The following NCOA3 variants were observed in gnomAD, a reference collection of about 807,000 sequenced individuals.
The protein encoded by NCOA3 is CBP-interacting protein.
In NCOA3, 51 loss-of-function variants were observed where a neutral mutation model predicts 158.8. The ratio of observed to expected loss-of-function variants is 0.32; its 90% CI spans 0.26 to 0.41. The LOEUF (loss-of-function observed/expected upper bound fraction) is 0.41. Among genes scored for constraint, NCOA3 ranks in the 10% least tolerant of loss-of-function variants. NCOA3 has a pLI of 1.00. For missense variants in NCOA3, 1,510 were observed against 1,746.6 expected (o/e 0.86, Z 2.41); for synonymous variants, 537 against 592.4 (o/e 0.91, Z 1.36).
chr20:47,613,102 T>C (rs918212864), intron 2 of NCOA3, among the ~76,000 whole-genome samples: 3 of 152,242 alleles, frequency 2.0e-5, no homozygotes, highest in African/African-American at 7.2e-5. Context: ...CTGTTCAATT[T>C]ATATATTAAA....
intron 1 of NCOA3, among the ~76,000 whole-genome samples, chr20:47,516,548 TAGTC>T (rs1285766841): frequency 3.9e-5 from 6 of 152,168 alleles, no homozygotes; most frequent in African/African-American, 1.2e-4. Flanking sequence ...TGAAAATTAA[TAGTC>T]AGATTATGAA....
At chr20:47,592,541 G>A (rs2085663164) in intron 2 of NCOA3, among the ~76,000 whole-genome samples, 1 of 152,108 alleles carries the variant, frequency 6.6e-6, no homozygotes, top group Non-Finnish European at 1.5e-5. Context: ...CCTGTGTTGG[G>A]GTTGATAGAG....
At chr20:47,532,643 A>T (rs186565405) in intron 1 of NCOA3, among the ~76,000 whole-genome samples, 121 of 151,384 alleles carry the variant, frequency 8.0e-4, no homozygotes, top group East Asian at 1.2e-3. Context: ...AATTAAAAAA[A>T]TTTTTTTTTC....
intron 1 of NCOA3, among the ~76,000 whole-genome samples, chr20:47,540,757 A>G (rs1043675248): frequency 2.0e-4 from 31 of 152,204 alleles, no homozygotes; most frequent in African/African-American, 7.5e-4. Context: ...ATTTCAGAGA[A>G]TAATGCAAGA....
At chr20:47,515,162 T>TA (rs200325871) in intron 1 of NCOA3, among the ~76,000 whole-genome samples, 2 of 151,128 alleles carry the variant, frequency 1.3e-5, no homozygotes, top group Non-Finnish European at 3.0e-5. Context: ...TATATATATT[T>TA]AAAAAAAATT....
intron 8 of NCOA3, chr20:47,631,069 T>C (rs2086408290): frequency 6.6e-6 from 1 of 152,246 alleles, no homozygotes; most frequent in South Asian, 2.1e-4. Context: ...GGTCAAAAAC[T>C]GTGTGACCAG....
Position 47,527,281 on chromosome 20 carries a change from T to TCTG in NCOA3, c.-99+25266_-99+25268dup, listed in dbSNP as rs57276193. The stretch of plus-strand genomic sequence containing the variant: ...GGGGTGAATATTAAGATGTTATGGG[T>TCTG]CTGCTGATCTGCTTTGTATTAGTAT... On this transcript the variant is annotated intron_variant, in intron 1 of 22. Coordinates refer to ENST00000371998, the MANE Select transcript of NCOA3 (RefSeq NM_181659.3). Among the ~76,000 whole-genome samples the TCTG allele has an allele frequency of 7.2e-3, 1,102 of 152,326 alleles. 22 individuals are homozygous for TCTG. Among genetic ancestry groups the TCTG allele is most frequent in the African/African-American group, 0.025 (1,044 of 41,578 alleles).
In NCOA3 at chr20:47,628,013, T is replaced by C. The variant is rs778853821; in HGVS notation, c.813T>C (p.His271=). The C allele has an allele frequency of 1.2e-5, 20 of 1,612,490 alleles. 2 individuals carry two copies. In the South Asian group the frequency reaches 1.6e-4, roughly 13 times the overall value. The change falls in exon 8 of 23, where the codon CAT becomes CAC. Residue 271 remains histidine (H), a synonymous_variant. Coordinates refer to ENST00000371998, the MANE Select transcript of NCOA3 (RefSeq NM_181659.3). ...ACCCTGAGAGCTTTATTACCAGACATGATCTTTCAGGTAAAAACTCTTTTT... is the reference window on the plus strand; with the variant it reads ...ACCCTGAGAGCTTTATTACCAGACACGATCTTTCAGGTAAAAACTCTTTTT... ...PSNPESFITR[H]DLSGKVVNID...
At chr20:47,534,307 C>T (rs929531468) in intron 1 of NCOA3, among the ~76,000 whole-genome samples, 2 of 151,020 alleles carry the variant, frequency 1.3e-5, no homozygotes, top group Non-Finnish European at 3.0e-5. Flanking sequence ...TATAGAGAAA[C>T]CAAAGCATGA....
intron 2 of NCOA3, among the ~76,000 whole-genome samples, chr20:47,593,319 C>G (rs2085681621): frequency 1.4e-5 from 2 of 146,932 alleles, no homozygotes; most frequent in Admixed American, 6.9e-5. Flanking sequence ...GGAGTACCTC[C>G]TCTTGAGTTG....
intron 10 of NCOA3, among the ~76,000 whole-genome samples, chr20:47,635,100 T>G (rs1356493347): frequency 6.6e-6 from 1 of 152,010 alleles, no homozygotes; most frequent in East Asian, 1.9e-4. Flanking sequence ...GGCCAATTTT[T>G]AAATTTTTTG....
At chr20:47,583,514 C>T (rs1228003046) in intron 2 of NCOA3, among the ~76,000 whole-genome samples, 3 of 152,162 alleles carry the variant, frequency 2.0e-5, no homozygotes, top group Non-Finnish European at 4.4e-5. Flanking sequence ...GAACTTTCGA[C>T]TCCCCCCAAA....
chr20:47,606,420 G>A (rs6018585), intron 2 of NCOA3, among the ~76,000 whole-genome samples: 5 of 152,282 alleles, frequency 3.3e-5, no homozygotes, highest in African/African-American at 1.2e-4. Flanking sequence ...AATTAAGGCA[G>A]TGGCGCCAGA....
At chr20:47,628,839 A>G (rs2086368309) in intron 8 of NCOA3, 1 of 152,182 alleles carries the variant, frequency 6.6e-6, no homozygotes, top group Non-Finnish European at 1.5e-5. Context: ...TGGCAATATT[A>G]TTTTTATTTA....
intron 1 of NCOA3, among the ~76,000 whole-genome samples, chr20:47,528,380 ATTAT>A (rs2084490953): frequency 6.6e-6 from 1 of 152,150 alleles, no homozygotes; most frequent in Admixed American, 6.6e-5. Context: ...TGTCTGTTTC[ATTAT>A]TTATTATTAC....
chr20:47,640,669 A>G (rs574846556), intron 16 of NCOA3, among the ~76,000 whole-genome samples: 125 of 151,512 alleles, frequency 8.3e-4, no homozygotes, highest in African/African-American at 2.8e-3. Flanking sequence ...TCACAAGGTC[A>G]GGAGATCGAG....
At chr20:47,549,879 A>AT (rs1412112122) in intron 1 of NCOA3, among the ~76,000 whole-genome samples, 1 of 151,814 alleles carries the variant, frequency 6.6e-6, no homozygotes, top group African/African-American at 2.4e-5. Context: ...AATTTTTGTA[A>AT]TTTTTTGTAG....
chr20:47,582,955 C>T (rs972919284), intron 1 of NCOA3, among the ~76,000 whole-genome samples: 8 of 152,108 alleles, frequency 5.3e-5, no homozygotes, highest in Admixed American at 3.3e-4. Flanking sequence ...CCATGTCGCC[C>T]GGCTAATTTC....
chr20:47,578,157 CAA>C, intron 1 of NCOA3, among the ~76,000 whole-genome samples: 1 of 151,460 alleles, frequency 6.6e-6, no homozygotes, highest in South Asian at 2.1e-4. Context: ...TTATATAGCT[CAA>C]AAAAAGTGGT....
Sources: allele counts gnomAD v4.1 joint callset (sites outside exome capture counted in the v4.1 genomes callset), GRCh38; gene constraint gnomAD v4.1.1; transcripts MANE v1.5; gene names NCBI Gene and HGNC (gene_info 2026-07-23, HGNC 2026-07-21).